Variants in MTHFD2L observed in about 807,000 individuals in gnomAD.
MTHFD2L encodes methylenetetrahydrofolate dehydrogenase (NADP+ dependent) 2 like, also known as bifunctional methylenetetrahydrofolate dehydrogenase/cyclohydrolase 2, mitochondrial.
Under a neutral mutation model 34.9 loss-of-function variants are expected in MTHFD2L, and 29 were observed. The observed-to-expected ratio is 0.83, with a 90% CI of 0.62 to 1.13. The LOEUF (loss-of-function observed/expected upper bound fraction) is 1.13, where lower values mean the gene tolerates loss of function less well. Ranked by LOEUF, MTHFD2L falls within the 50% of genes most tolerant of loss-of-function variation. The probability of loss-of-function intolerance (pLI) is 0.00; values close to 1 mark genes in which losing one functional copy is unlikely to be tolerated. For synonymous variants in MTHFD2L, 167 were observed against 155.7 expected, an observed-to-expected ratio of 1.07 and a Z score of -0.54; for missense variants, 481 against 446.5, an observed-to-expected ratio of 1.08 and a Z score of -0.70.
chr4:74,118,121 G>A (rs965547737), intron 2 of MTHFD2L, among the ~76,000 whole-genome samples: 3 of 152,102 alleles, frequency 2.0e-5, no homozygotes, highest in Admixed American at 1.3e-4. Flanking sequence ...GAATAACACT[G>A]ATTCTATTAA....
At chr4:74,167,723 T>C (rs1182732803) in intron 1 of MTHFD2L, among the ~76,000 whole-genome samples, 2 of 152,146 alleles carry the variant, frequency 1.3e-5, no homozygotes, top group Non-Finnish European at 2.9e-5. Context: ...GAGAACATGG[T>C]GCAGTTCATG....
chr4:74,154,560 A>T (rs1392360998), upstream of MTHFD2L, among the ~76,000 whole-genome samples: 1 of 152,040 alleles, frequency 6.6e-6, no homozygotes, highest in Non-Finnish European at 1.5e-5. Flanking sequence ...TTACTACTCA[A>T]ATTGTTCCAT....
rs149400333 is a variant in MTHFD2L at position 74,264,636 on chromosome 4, T to C, written c.806-16789T>C. 7.8e-4 allele frequency among the ~76,000 whole-genome samples: 119 copies of C among 152,152 alleles called. 3 individuals carry two copies. Among genetic ancestry groups the C allele is most frequent in the African/African-American group, 2.7e-3 (112 of 41,546 alleles). On this transcript the variant is annotated intron_variant, in intron 6 of 7. Coordinates refer to ENST00000325278, the MANE Select transcript of MTHFD2L (RefSeq NM_001144978.3). The stretch of plus-strand genomic sequence containing the variant: ...AGAGATGCTTTATCTATATCTGTTA[T>C]TCTAATATTTTTAAGGGCAGTGAAT...
chr4:74,265,575 A>G (rs1276762423), intron 6 of MTHFD2L, among the ~76,000 whole-genome samples: 1 of 152,174 alleles, frequency 6.6e-6, no homozygotes, highest in Non-Finnish European at 1.5e-5. Context: ...TTATACAGGG[A>G]AGGAAACAGG....
chr4:74,171,790 C>A (rs1023823184), intron 1 of MTHFD2L, among the ~76,000 whole-genome samples: 1 of 152,070 alleles, frequency 6.6e-6, no homozygotes, highest in Non-Finnish European at 1.5e-5. Context: ...GTGATGGAGA[C>A]CCTGTCCCCC....
In MTHFD2L at chr4:74,199,826, A is replaced by G; in HGVS notation, c.484A>G (p.Ile162Val). The G allele has an allele frequency of 6.2e-7, 1 of 1,613,330 alleles. No homozygotes were observed. Among genetic ancestry groups the G allele is most frequent in the Non-Finnish European group, 8.5e-7 (1 of 1,179,494 alleles). The change falls in exon 4 of 8, where the codon ATT becomes GTT. Residue 162 changes from isoleucine (I) to valine (V), a missense_variant. Coordinates refer to ENST00000325278, the MANE Select transcript of MTHFD2L (RefSeq NM_001144978.3). ...TGATGAGCGAACAATATGCAATGGA[A>G]TTGCCCCAGAAAAAGATGTAGATGG... The part of the protein sequence containing the change: ...HVDERTICNG[I>V]APEKDVDGFH...
chr4:74,247,260 T>C (rs947877625), intron 6 of MTHFD2L, among the ~76,000 whole-genome samples: 38 of 152,076 alleles, frequency 2.5e-4, no homozygotes, highest in Admixed American at 1.2e-3. Context: ...GGGAGTTCAC[T>C]CATGATTTGG....
chr4:74,230,456 G>T (rs1214893118), intron 6 of MTHFD2L, among the ~76,000 whole-genome samples: 1 of 151,790 alleles, frequency 6.6e-6, no homozygotes, highest in African/African-American at 2.4e-5. Flanking sequence ...CAGGTGTGGT[G>T]GTGGGTGCCT....
At chr4:74,157,221 G>A (rs539749783), upstream of MTHFD2L, 4 of 180,148 alleles carry the variant, frequency 2.2e-5, no homozygotes, top group South Asian at 4.7e-4. Context: ...ATTTTAAAGA[G>A]CATATTTTCT....
At chr4:74,268,668 T>A (rs1006493062) in intron 6 of MTHFD2L, among the ~76,000 whole-genome samples, 1 of 152,196 alleles carries the variant, frequency 6.6e-6, no homozygotes, top group African/African-American at 2.4e-5. Context: ...CATGAAGAGT[T>A]ACAGATGACT....
Position 74,207,159 on chromosome 4 carries a change from C to A in MTHFD2L, c.712+5789C>A, listed in dbSNP as rs182726326. Among the ~76,000 whole-genome samples, 5 of 152,174 alleles carry A rather than the reference C, an allele frequency of 3.3e-5. No individual in the cohort carries two copies. In the South Asian group the frequency reaches 1.0e-3, roughly 32 times the overall value. On this transcript the variant is annotated intron_variant, in intron 5 of 7. Transcript: ENST00000325278. The stretch of plus-strand genomic sequence containing the variant: ...AAGCAATCTGCCTGCCTCCACCTCT[C>A]AAAATGTTGAGATTACAGACGTGAG...
chr4:74,213,934 CTTCT>C (rs1003651159), intron 5 of MTHFD2L, among the ~76,000 whole-genome samples: 3 of 151,874 alleles, frequency 2.0e-5, no homozygotes, highest in Middle Eastern at 3.4e-3. Flanking sequence ...CTAATCTTGT[CTTCT>C]TTCTTTATTT....
intron 1 of MTHFD2L, among the ~76,000 whole-genome samples, chr4:74,139,701 A>G (rs1040639223): frequency 6.6e-6 from 1 of 152,096 alleles, no homozygotes; most frequent in Non-Finnish European, 1.5e-5. Context: ...ACTCATTCTC[A>G]TATTTGAATT....
At chr4:74,139,852 TTTG>T (rs1158943768) in intron 1 of MTHFD2L, among the ~76,000 whole-genome samples, 1 of 152,188 alleles carries the variant, frequency 6.6e-6, no homozygotes, top group Non-Finnish European at 1.5e-5. Flanking sequence ...TTAGTAAATG[TTTG>T]TTGTCATTTT....
chr4:74,301,560 T>A, intron 7 of MTHFD2L, 137 bp from the exon 8 acceptor site: 1 of 538,684 alleles, frequency 1.9e-6, no homozygotes, highest in East Asian at 3.1e-5. Flanking sequence ...TGTGTGTGTC[T>A]GTTTATTACA....
chr4:74,206,429 G>A (rs1735332459), intron 5 of MTHFD2L, among the ~76,000 whole-genome samples: 1 of 152,090 alleles, frequency 6.6e-6, no homozygotes, highest in Non-Finnish European at 1.5e-5. Context: ...TCTGTCTCAA[G>A]ATTAGCTCCT....
At chr4:74,116,742 G>A (rs1721661284) in intron 2 of MTHFD2L, among the ~76,000 whole-genome samples, 1 of 152,172 alleles carries the variant, frequency 6.6e-6, no homozygotes, top group South Asian at 2.1e-4. Flanking sequence ...GCTCTTGTAT[G>A]GCCAAAACGA....
At chr4:74,230,800 T>C (rs902417874) in intron 6 of MTHFD2L, among the ~76,000 whole-genome samples, 5 of 152,094 alleles carry the variant, frequency 3.3e-5, no homozygotes, top group African/African-American at 4.8e-5. Context: ...TTGGAGATCA[T>C]TGGGCTTTCT....
chr4:74,230,874 T>C (rs28405396), intron 6 of MTHFD2L, among the ~76,000 whole-genome samples: 12 of 152,310 alleles, frequency 7.9e-5, no homozygotes, highest in African/African-American at 2.9e-4. Context: ...ATCTTCATTA[T>C]TCAGCAGGAT....
Sources: gnomAD v4.1 joint callset for allele counts (sites outside exome capture counted in the v4.1 genomes callset) on GRCh38, gnomAD v4.1.1 for gene constraint, MANE v1.5 for transcripts, NCBI Gene and HGNC (gene_info 2026-07-23, HGNC 2026-07-21) for gene names.